INTS5: variants seen among roughly 807,000 people sequenced by gnomAD.
INTS5 encodes the protein integrator complex subunit 5, also known as KIAA1698.
In INTS5, 29 loss-of-function variants were observed where a neutral mutation model predicts 60.0. The observed-to-expected ratio is 0.48, with a 90% CI of 0.36 to 0.66. The LOEUF is 0.66. INTS5 is among the 30% of genes least tolerant of loss of function. The pLI is 0.00. For missense variants in INTS5, 1,129 were observed against 1,307.9 expected (o/e 0.86, Z 2.11); for synonymous variants, 588 against 558.8 (o/e 1.05, Z -0.74).
At position 62,649,415 on chromosome 11, in the gene INTS5, T is replaced by C; in HGVS notation, c.665A>G (p.His222Arg). ...LLDTSVQHSP[H>R]FDWVVAHIGS... Reference sequence around the variant, plus strand: ...AATATGTGCCACAACCCAGTCAAAGTGTGGAGAATGCTGAACAGAGGTATC... The same window carrying C: ...AATATGTGCCACAACCCAGTCAAAGCGTGGAGAATGCTGAACAGAGGTATC... The change falls in exon 2 of 2, where the codon CAC (histidine) becomes CGC (arginine). Residue 222 changes from histidine (H) to arginine (R), a missense_variant. His to Arg is a conservative substitution (Grantham distance 29). This residue lies in a region of INTS5 where 1,070 missense variants were observed against 1,246.1 expected (regional missense o/e 0.86). Transcript: ENST00000330574. This position sits in a 1 kb window ranked among gnomAD's most constrained non-coding sequence, Gnocchi z 6.0. 6.2e-7 allele frequency: 1 copy of C among 1,614,160 alleles called. No homozygotes were observed. Among genetic ancestry groups the C allele is most frequent in the Non-Finnish European group, 8.5e-7 (1 of 1,180,022 alleles).
Position 62,647,067 on chromosome 11 carries a change from G to C in INTS5, c.3013C>G (p.Arg1005Gly). 6.2e-7 allele frequency: 1 copy of C among 1,613,772 alleles called. No homozygotes were observed. Among genetic ancestry groups the C allele is most frequent in the Non-Finnish European group, 8.5e-7 (1 of 1,179,752 alleles). ...GTGGACGGTGAAGGTGCCTGGAAACGGCCAGAGAAAAGACCTAGGCGGTCG... is the reference window on the plus strand; with the variant it reads ...GTGGACGGTGAAGGTGCCTGGAAACCGCCAGAGAAAAGACCTAGGCGGTCG... The part of the protein sequence containing the change: ...NIDRLGLFSG[R>G]FQAPSPSTLL... Residue 1005 changes from arginine to glycine, a missense_variant, in exon 2 of 2, where the codon CGT (arginine) becomes GGT (glycine). By Grantham distance (125) the Arg-to-Gly change is moderately radical. Around this residue, in one of 3 missense-constraint regions of INTS5, gnomAD observed 1,070 missense variants for 1,246.1 expected, o/e 0.86. Transcript: ENST00000330574.
chr11:62,653,140 T>TG (rs1370249276), intron 1 of INTS5, 30 bp downstream of exon 1: 2 of 1,204,904 alleles, frequency 1.7e-6, no homozygotes, highest in Non-Finnish European at 1.1e-6. Flanking sequence ...GGCCGCGCGA[T>TG]GGGGGGAAGG....
chr11:62,651,696 A>T (rs1944595011), intron 1 of INTS5, among the ~76,000 whole-genome samples: 1 of 151,942 alleles, frequency 6.6e-6, no homozygotes, highest in Admixed American at 6.6e-5. Flanking sequence ...CATCTCTACA[A>T]AAATAATAAT....
intron 1 of INTS5, among the ~76,000 whole-genome samples, chr11:62,650,535 C>A (rs1240917466): frequency 6.6e-6 from 1 of 152,116 alleles, no homozygotes; most frequent in African/African-American, 2.4e-5. Context: ...GCCTCAGCCT[C>A]CAGAGTAGCT....
chr11:62,647,726 T>C lies in INTS5; in HGVS notation c.2354A>G (p.His785Arg). 1 of 1,614,138 alleles carries C rather than the reference T, an allele frequency of 6.2e-7. No homozygotes were observed. The highest frequency in any genetic ancestry group is 8.5e-7 in the Non-Finnish European group (1 of 1,180,010). Reference sequence around the variant, plus strand: ...AGTGCCCCCTGGGGCACTGCAGCAGTGAACCAGGAGGCTGAGGAGGCTCTG... The same window carrying C: ...AGTGCCCCCTGGGGCACTGCAGCAGCGAACCAGGAGGCTGAGGAGGCTCTG... ...NTQSLLSLLV[H>R]CCSAPGGTEC... Residue 785 changes from histidine (H) to arginine (R), a missense_variant, in exon 2 of 2, where the codon CAC (histidine) becomes CGC (arginine). By Grantham distance (29) the His-to-Arg change is conservative (BLOSUM62 0). Transcript: ENST00000330574.
intron 1 of INTS5, among the ~76,000 whole-genome samples, chr11:62,652,200 TC>T (rs1401624529): frequency 6.8e-6 from 1 of 147,150 alleles, no homozygotes; most frequent in African/African-American, 2.5e-5. Context: ...CATGGTGTAA[TC>T]CCAGCTACTC....
At chr11:62,650,083 T>A (rs892343541) in intron 1 of INTS5, 84 bp from the exon 2 acceptor site, 102 of 1,077,334 alleles carry the variant, frequency 9.5e-5, no homozygotes, top group Non-Finnish European at 1.1e-4. Context: ...TTGCCTTTTA[T>A]GTTAAATAGG....
intron 1 of INTS5, among the ~76,000 whole-genome samples, chr11:62,651,802 G>T (rs946284174): frequency 6.6e-6 from 1 of 152,112 alleles, no homozygotes; most frequent in Non-Finnish European, 1.5e-5. Context: ...AAGCAGGGCT[G>T]CAGTGAGCCA....
intron 1 of INTS5, among the ~76,000 whole-genome samples, chr11:62,651,404 G>A (rs909765829): frequency 2.6e-5 from 4 of 151,890 alleles, no homozygotes; most frequent in Non-Finnish European, 5.9e-5. Context: ...CGTGAGCCAC[G>A]TGCCCGGCCA....
chr11:62,652,997 G>A (rs1452176950), intron 1 of INTS5, among the ~76,000 whole-genome samples, 173 bp downstream of exon 1: 1 of 152,250 alleles, frequency 6.6e-6, no homozygotes, highest in Non-Finnish European at 1.5e-5. Flanking sequence ...CGGGAGGGCG[G>A]GCACTGGAGC....
chr11:62,646,998 G>A lies in INTS5; in HGVS notation c.*22C>T. ...CCCTCTCTCACTGCTCAACCTCCCT[G>A]GGCTTCCAGAGCAAGAAAAGGCTAC... On this transcript the variant is annotated 3_prime_UTR_variant, in exon 2 of 2. Coordinates refer to ENST00000330574, the MANE Select transcript of INTS5 (RefSeq NM_030628.2). 6.3e-7 allele frequency: 1 copy of A among 1,586,228 alleles called. No homozygotes were observed. The highest frequency in any genetic ancestry group is 8.6e-7 in the Non-Finnish European group (1 of 1,159,680).
chr11:62,647,265 C>T lies in INTS5; in HGVS notation c.2815G>A (p.Val939Met). The change falls in exon 2 of 2, where the codon GTG becomes ATG. Residue 939 changes from valine to methionine, a missense_variant. Transcript: ENST00000330574. The stretch of plus-strand genomic sequence containing the variant: ...CAGACACTGAGCAGCAGCAGACGCA[C>T]CTCGAAAGGTGCCAGTTGGCTAAAT... Reference protein sequence around the residue: ...EVFSQLAPFEVRLLLLSVWGF... With the variant: ...EVFSQLAPFEMRLLLLSVWGF... 1 of 1,614,256 alleles carries T rather than the reference C, an allele frequency of 6.2e-7. No individual in the cohort carries two copies. The highest frequency in any genetic ancestry group is 8.5e-7 in the Non-Finnish European group (1 of 1,180,052).
rs1001084191 is a variant in INTS5 at position 62,649,782 on chromosome 11, G to C, written c.298C>G (p.Pro100Ala). ...GGTGGAGGTGGACGGAGGTGAGGTG[G>C]ACCAGCCACAGGGGTTTCATCCAGG... ...AALDETPVAG[P>A]PHLRPPPPSH... Residue 100 changes from proline (P) to alanine (A), a missense_variant, in exon 2 of 2, where the codon CCA becomes GCA. By Grantham distance (27) the Pro-to-Ala change is conservative. Coordinates refer to ENST00000330574, the MANE Select transcript of INTS5 (RefSeq NM_030628.2). The surrounding 1 kb of genome is among the most constrained non-coding windows in gnomAD (Gnocchi z 6.0). The C allele has an allele frequency of 6.2e-7, 1 of 1,614,140 alleles. No homozygotes were observed. The highest frequency in any genetic ancestry group is 8.5e-7 in the Non-Finnish European group (1 of 1,180,006).
chr11:62,653,090 G>A (rs973677520), intron 1 of INTS5, 80 bp downstream of exon 1: 23 of 881,276 alleles, frequency 2.6e-5, no homozygotes, highest in Admixed American at 4.3e-5. Context: ...TCTCGAGGTA[G>A]GATCCGGGTT....
rs945460737 is a variant in INTS5 at position 62,649,730 on chromosome 11, C to T, written c.350G>A (p.Gly117Asp). The change falls in exon 2 of 2, where the codon GGT (glycine) becomes GAT (aspartate). Residue 117 changes from glycine (G) to aspartate (D), a missense_variant. Physicochemically the swap from Gly to Asp is moderately conservative, Grantham distance 94. Coordinates refer to ENST00000330574, the MANE Select transcript of INTS5 (RefSeq NM_030628.2). This position sits in a 1 kb window ranked among gnomAD's most constrained non-coding sequence, Gnocchi z 6.0. ...PPSHVPAGGPGLEDVVQEVQQ... is the reference protein window; with the variant it reads ...PPSHVPAGGPDLEDVVQEVQQ... ...CACTTCCTGAACCACATCCTCTAGA[C>T]CAGGTCCACCAGCAGGGACATGAGA... is the stretch of plus-strand genomic sequence containing the variant. The T allele has an allele frequency of 5.6e-6, 9 of 1,614,202 alleles. No homozygotes were observed. The highest frequency in any genetic ancestry group is 6.8e-6 in the Non-Finnish European group (8 of 1,180,042).
At position 62,649,216 on chromosome 11, in the gene INTS5, C is replaced by G; in HGVS notation, c.864G>C (p.Val288=). 2 of 1,613,888 alleles carry G rather than the reference C, an allele frequency of 1.2e-6. No homozygotes were observed. The highest frequency in any genetic ancestry group is 1.7e-6 in the Non-Finnish European group (2 of 1,179,770). The change falls in exon 2 of 2, where the codon GTG becomes GTC. Residue 288 remains valine (V), a synonymous_variant. Coordinates refer to ENST00000330574, the MANE Select transcript of INTS5 (RefSeq NM_030628.2). This position sits in a 1 kb window ranked among gnomAD's most constrained non-coding sequence, Gnocchi z 6.0. ...TGCCTACAACTGAGGCAATCTTGGGCACCCGTTTCTCCGCAGGAATGGCAG... is the reference window on the plus strand; with the variant it reads ...TGCCTACAACTGAGGCAATCTTGGGGACCCGTTTCTCCGCAGGAATGGCAG... The part of the protein sequence containing the change: ...GSPAIPAEKR[V]PKIASVVGIL...
chr11:62,647,036 A>G lies in INTS5; in HGVS notation c.3044T>C (p.Leu1015Pro), dbSNP rs1944520843. The change falls in exon 2 of 2, where the codon CTT (leucine) becomes CCT (proline). Residue 1015 changes from leucine to proline, a missense_variant. Physicochemically the swap from Leu to Pro is moderately conservative, Grantham distance 98 (BLOSUM62 -3). This residue lies in a region of INTS5 where 1,070 missense variants were observed against 1,246.1 expected (regional missense o/e 0.86). Transcript: ENST00000330574. ...AAGAAAAGGCTACGTCCCCTGTCGAAGGAGAGTGGACGGTGAAGGTGCCTG... is the reference window on the plus strand; with the variant it reads ...AAGAAAAGGCTACGTCCCCTGTCGAGGGAGAGTGGACGGTGAAGGTGCCTG... The part of the protein sequence containing the change: ...RFQAPSPSTL[L>P]RQGT The G allele has an allele frequency of 1.2e-6, 2 of 1,610,812 alleles. No individual in the cohort carries two copies. Among genetic ancestry groups the G allele is most frequent in the African/African-American group, 1.3e-5 (1 of 74,940 alleles).
Position 62,653,156 on chromosome 11 carries a change from A to G in INTS5, c.80+14T>C. Reference sequence around the variant, plus strand: ...GCCGCGCGATGGGGGGAAGGTGCCAAGGGCTCTAACTACCTGAGAGGCGCG... The same window carrying G: ...GCCGCGCGATGGGGGGAAGGTGCCAGGGGCTCTAACTACCTGAGAGGCGCG... On this transcript the variant is annotated intron_variant, in intron 1 of 1. Coordinates refer to ENST00000330574, the MANE Select transcript of INTS5 (RefSeq NM_030628.2). 8.0e-7 allele frequency: 1 copy of G among 1,242,696 alleles called. No homozygotes were observed. Among genetic ancestry groups the G allele is most frequent in the South Asian group, 4.1e-5 (1 of 24,290 alleles). 77.0% of individuals were successfully genotyped at this position (1,242,696 alleles called of 1,614,324 possible).
At chr11:62,651,395 G>A (rs990665607) in intron 1 of INTS5, among the ~76,000 whole-genome samples, 1 of 152,064 alleles carries the variant, frequency 6.6e-6, no homozygotes, top group African/African-American at 2.4e-5. Flanking sequence ...GATTACAGGC[G>A]TGAGCCACGT....
Sources: allele counts gnomAD v4.1 joint callset (sites outside exome capture counted in the v4.1 genomes callset), GRCh38; gene constraint gnomAD v4.1.1; regional missense constraint gnomAD v4.1.1; non-coding constraint Gnocchi (gnomAD v3.1); transcripts MANE v1.5; gene names NCBI Gene and HGNC (gene_info 2026-07-23, HGNC 2026-07-21).